The following ANKS1B variants were observed in gnomAD, a reference collection of about 807,000 sequenced individuals.
The protein encoded by ANKS1B is ankyrin repeat and sterile alpha motif domain containing 1B.
Under a neutral mutation model 148.3 loss-of-function variants are expected in ANKS1B, and 36 were observed. The observed-to-expected ratio is 0.24, with a 90% CI of 0.19 to 0.32. The LOEUF is 0.32. Ranked by LOEUF, ANKS1B falls within the 10% of genes least tolerant of loss-of-function variation. The pLI, the probability that ANKS1B is intolerant of heterozygous loss-of-function variation, is 1.00. For missense variants in ANKS1B, 1,157 were observed against 1,542.6 expected (o/e 0.75, Z 4.19); for synonymous variants, 542 against 560.8 (o/e 0.97, Z 0.47).
At chr12:99,294,459 T>C (rs1341147317) in intron 12 of ANKS1B, among the ~76,000 whole-genome samples, 6 of 152,174 alleles carry the variant, frequency 3.9e-5, no homozygotes, top group African/African-American at 1.4e-4. Flanking sequence ...CACTTATTTG[T>C]GGGAGCTAAA....
rs139251137 is a variant in ANKS1B, at chr12:98,925,781, T to C, written c.2779-93645A>G. 8.5e-5 allele frequency among the ~76,000 whole-genome samples: 13 copies of C among 152,294 alleles called. No individual in the cohort carries two copies. The East Asian group carries it at 2.5e-3, about 29-fold the overall frequency. ...ATTCCCATTCCCAGAGAATGGTCAC[T>C]ATTTAACCTGTCTGAAAGTTCCTTA... On this transcript the variant is annotated intron_variant, in intron 17 of 26. Coordinates refer to ENST00000683438, the MANE Select transcript of ANKS1B (RefSeq NM_001352186.2).
chr12:99,945,818 A>G (rs2095046400), intron 1 of ANKS1B, among the ~76,000 whole-genome samples: 1 of 152,184 alleles, frequency 6.6e-6, no homozygotes, highest in Non-Finnish European at 1.5e-5. Context: ...GAGGAGAGAG[A>G]GTAGACATCA....
intron 1 of ANKS1B, among the ~76,000 whole-genome samples, chr12:99,973,763 A>G (rs7316693): frequency 0.29 from 44,562 of 151,714 alleles, 7,055 homozygotes; most frequent in African/African-American, 0.37. Flanking sequence ...AAATTGGACT[A>G]ACTGACAACA....
chr12:99,320,202 G>A (rs577501645), intron 12 of ANKS1B, among the ~76,000 whole-genome samples: 2 of 152,222 alleles, frequency 1.3e-5, no homozygotes, highest in East Asian at 3.9e-4. Context: ...ATATCTTTGT[G>A]GCATTCTCTG....
At chr12:99,965,991 T>C (rs2095479767) in intron 1 of ANKS1B, among the ~76,000 whole-genome samples, 1 of 152,104 alleles carries the variant, frequency 6.6e-6, no homozygotes, top group East Asian at 1.9e-4. Flanking sequence ...AAACCCAAAG[T>C]GAGGGACATC....
At chr12:99,433,469 GT>G (rs1365798797) in intron 11 of ANKS1B, among the ~76,000 whole-genome samples, 1 of 152,078 alleles carries the variant, frequency 6.6e-6, no homozygotes, top group Non-Finnish European at 1.5e-5. Context: ...CTTTGAAAAG[GT>G]TTTGAAGCCT....
At chr12:99,409,106 A>T (rs370471174) in intron 11 of ANKS1B, among the ~76,000 whole-genome samples, 1 of 152,230 alleles carries the variant, frequency 6.6e-6, no homozygotes, top group African/African-American at 2.4e-5. Context: ...CTAAGTGTCT[A>T]TCAACATATG....
chr12:99,840,523 C>T (rs1044078603), intron 1 of ANKS1B, among the ~76,000 whole-genome samples: 8 of 151,932 alleles, frequency 5.3e-5, no homozygotes, highest in Non-Finnish European at 1.0e-4. Context: ...TATAGTAATG[C>T]AGGAAAAGAT....
intron 17 of ANKS1B, among the ~76,000 whole-genome samples, chr12:98,877,103 A>G (rs1596047116): frequency 6.6e-6 from 1 of 152,234 alleles, no homozygotes; most frequent in Non-Finnish European, 1.5e-5. Context: ...TGAGTGACTC[A>G]TAAAAACATT....
chr12:98,971,623 G>C (rs2099883194), intron 17 of ANKS1B, among the ~76,000 whole-genome samples: 1 of 152,178 alleles, frequency 6.6e-6, no homozygotes, highest in African/African-American at 2.4e-5. Flanking sequence ...ACATTCAAAT[G>C]AAGGGCTGTG....
At chr12:98,981,788 G>GAA (rs2099911298) in intron 17 of ANKS1B, among the ~76,000 whole-genome samples, 1 of 152,194 alleles carries the variant, frequency 6.6e-6, no homozygotes, top group Non-Finnish European at 1.5e-5. Context: ...AATTATCAAA[G>GAA]AAAACTCCTG....
intron 8 of ANKS1B, among the ~76,000 whole-genome samples, chr12:99,725,843 C>G: frequency 6.6e-6 from 1 of 152,158 alleles, no homozygotes; most frequent in East Asian, 1.9e-4. Context: ...GATTAAGAAA[C>G]TCACTCAAAA....
chr12:99,659,471 A>G (rs2098465508), intron 8 of ANKS1B, among the ~76,000 whole-genome samples: 2 of 152,232 alleles, frequency 1.3e-5, no homozygotes, highest in Non-Finnish European at 2.9e-5. Context: ...CACGGTAATA[A>G]AGAAAGACTG....
intron 1 of ANKS1B, among the ~76,000 whole-genome samples, chr12:99,919,753 G>T (rs1055846129): frequency 2.3e-5 from 3 of 132,354 alleles, no homozygotes; most frequent in African/African-American, 8.9e-5. Flanking sequence ...AATATAGCTA[G>T]CCCAAATTGA....
chr12:99,465,650 C>T (rs2096091463), intron 10 of ANKS1B, among the ~76,000 whole-genome samples: 1 of 152,108 alleles, frequency 6.6e-6, no homozygotes, highest in Non-Finnish European at 1.5e-5. Flanking sequence ...ATCCTAGTCT[C>T]TGATAAAACA....
intron 12 of ANKS1B, among the ~76,000 whole-genome samples, chr12:99,336,419 G>C (rs562286488): frequency 6.6e-6 from 1 of 151,810 alleles, no homozygotes. Context: ...GTGCTTGTGG[G>C]GTATTTTTCA....
At chr12:99,858,926 ACTCCT>A (rs2153714867) in intron 1 of ANKS1B, among the ~76,000 whole-genome samples, 1 of 152,206 alleles carries the variant, frequency 6.6e-6, no homozygotes, top group Admixed American at 6.5e-5. Flanking sequence ...TACAGCGTAC[ACTCCT>A]CCAGTGGTGG....
chr12:99,357,001 C>A (rs2092052653), intron 12 of ANKS1B, among the ~76,000 whole-genome samples: 1 of 151,104 alleles, frequency 6.6e-6, no homozygotes, highest in Non-Finnish European at 1.5e-5. Context: ...GGTCTAGGCA[C>A]AATAGTAATT....
intron 10 of ANKS1B, among the ~76,000 whole-genome samples, chr12:99,479,483 A>T (rs1253906129): frequency 1.3e-5 from 2 of 152,078 alleles, no homozygotes; most frequent in Admixed American, 6.6e-5. Context: ...GCTATTGACC[A>T]TCAATGGATG....
Sources: allele counts gnomAD v4.1 joint callset (sites outside exome capture counted in the v4.1 genomes callset), GRCh38; gene constraint gnomAD v4.1.1; transcripts MANE v1.5; gene names NCBI Gene and HGNC (gene_info 2026-07-23, HGNC 2026-07-21).